SEPTIN9: variants seen among roughly 807,000 people sequenced by gnomAD.
The protein encoded by SEPTIN9 is septin-9.
SEPTIN9 carries 13 observed loss-of-function variants against 56.6 expected under a neutral mutation model. The ratio of observed to expected loss-of-function variants is 0.23; its 90% CI spans 0.15 to 0.37. SEPTIN9 has a LOEUF of 0.37. Ranked by LOEUF, SEPTIN9 falls within the 10% of genes least tolerant of loss-of-function variation. SEPTIN9 has a pLI of 1.00. For missense variants in SEPTIN9, 650 were observed against 823.1 expected (o/e 0.79, Z 2.57); for synonymous variants, 332 against 334.1 (o/e 0.99, Z 0.07).
Position 77,319,373 on chromosome 17 carries a change from G to T in SEPTIN9, c.76+12176G>T. ...AGTGGGGAACAGCACTGATCCCCCA[G>T]TGGGGCCCCGAGTTCCCGGAGAGGA... On this transcript the variant is annotated intron_variant, in intron 2 of 11. Coordinates refer to ENST00000427177, the MANE Select transcript of SEPTIN9 (RefSeq NM_001113491.2). The surrounding 1 kb of genome is among the most constrained non-coding windows in gnomAD (Gnocchi z 5.3). The T allele has an allele frequency of 4.3e-6, 1 of 232,282 alleles. No homozygotes were observed. Among genetic ancestry groups the T allele is most frequent in the Non-Finnish European group, 7.6e-6 (1 of 132,136 alleles). 14.4% of individuals were successfully genotyped at this position (232,282 alleles called of 1,614,324 possible).
At chr17:77,448,692 TG>T (rs1258308253) in intron 3 of SEPTIN9, among the ~76,000 whole-genome samples, 5 of 152,188 alleles carry the variant, frequency 3.3e-5, no homozygotes, top group Non-Finnish European at 5.9e-5. Context: ...GATTACATGT[TG>T]AATTGATAAT....
chr17:77,353,175 G>A (rs557728864), intron 2 of SEPTIN9, among the ~76,000 whole-genome samples: 10 of 152,190 alleles, frequency 6.6e-5, no homozygotes, highest in Non-Finnish European at 8.8e-5. Flanking sequence ...GCGCAGGTGG[G>A]TGAGGGGCCC....
Position 77,330,264 on chromosome 17 carries a change from G to A in SEPTIN9, c.76+23067G>A, listed in dbSNP as rs563928821. The stretch of plus-strand genomic sequence containing the variant: ...TGCTGCTCCGGGTGCCTCTGGGGGC[G>A]GGCCCCCACCTCACATTGTGGAGCT... On this transcript the variant is annotated intron_variant, in intron 2 of 11. Transcript: ENST00000427177. This position sits in a 1 kb window ranked among gnomAD's most constrained non-coding sequence, Gnocchi z 4.4. Among the ~76,000 whole-genome samples the A allele has an allele frequency of 2.6e-5, 4 of 152,362 alleles. No homozygotes were observed. Among genetic ancestry groups the A allele is most frequent in the South Asian group, 2.1e-4 (1 of 4,832 alleles).
rs764983438 is a variant in SEPTIN9 at position 77,402,254 on chromosome 17, G to A, written c.272G>A (p.Arg91Gln). 2.7e-5 allele frequency: 43 copies of A among 1,613,066 alleles called. No homozygotes were observed. Among genetic ancestry groups the A allele is most frequent in the Middle Eastern group, 1.6e-4 (1 of 6,062 alleles). The change falls in exon 3 of 12, where the codon CGG becomes CAG. Residue 91 changes from arginine to glutamine, a missense_variant. Coordinates refer to ENST00000427177, the MANE Select transcript of SEPTIN9 (RefSeq NM_001113491.2). The surrounding 1 kb of genome is among the most constrained non-coding windows in gnomAD (Gnocchi z 6.6). ...LSQRSPKASL[R>Q]RVELSGPKAA... The stretch of plus-strand genomic sequence containing the variant: ...CAACGCTCCCCCAAGGCGTCCCTGC[G>A]GAGGGTGGAGCTCTCGGGCCCCAAG...
Position 77,451,430 on chromosome 17 carries a change from A to G in SEPTIN9, c.722-30714A>G. On this transcript the variant is annotated intron_variant, in intron 3 of 11. Coordinates refer to ENST00000427177, the MANE Select transcript of SEPTIN9 (RefSeq NM_001113491.2). The surrounding 1 kb of genome is among the most constrained non-coding windows in gnomAD (Gnocchi z 4.2). ...GGAGGCTCCTTGTTCCGCGACCACA[A>G]AGCCCCTTTGATCCTCTGCTCGGCT... The G allele has an allele frequency of 3.0e-6, 3 of 985,500 alleles. No homozygotes were observed. The highest frequency in any genetic ancestry group is 3.6e-6 in the Non-Finnish European group (3 of 830,026). 61.0% of individuals were successfully genotyped at this position (985,500 alleles called of 1,614,324 possible).
chr17:77,316,310 G>A (rs569048459), intron 2 of SEPTIN9, among the ~76,000 whole-genome samples: 1 of 152,252 alleles, frequency 6.6e-6, no homozygotes, highest in Non-Finnish European at 1.5e-5. Flanking sequence ...CCTCCCAGCC[G>A]GCTCATGACT....
chr17:77,386,747 C>T (rs975398275), intron 2 of SEPTIN9, among the ~76,000 whole-genome samples: 3 of 152,196 alleles, frequency 2.0e-5, no homozygotes, highest in Non-Finnish European at 2.9e-5. Context: ...GCCTCTCTGG[C>T]TTCCCCACTT....
intron 2 of SEPTIN9, among the ~76,000 whole-genome samples, chr17:77,378,154 C>T (rs2143945245): frequency 6.6e-6 from 1 of 152,284 alleles, no homozygotes; most frequent in East Asian, 1.9e-4. Flanking sequence ...AACGCCAGGA[C>T]ACCCCTGCAG....
intron 3 of SEPTIN9, among the ~76,000 whole-genome samples, chr17:77,416,551 C>T (rs545845083): frequency 8.4e-4 from 128 of 152,264 alleles, no homozygotes; most frequent in African/African-American, 2.9e-3. Flanking sequence ...GCCAGCTGCC[C>T]CATGGAGGAG....
chr17:77,344,961 G>A (rs1307878410), intron 2 of SEPTIN9, among the ~76,000 whole-genome samples: 1 of 98,908 alleles, frequency 1.0e-5, no homozygotes, highest in Admixed American at 1.7e-4. Flanking sequence ...GACAGAGCAA[G>A]ACTGCCTCAA....
intron 3 of SEPTIN9, among the ~76,000 whole-genome samples, chr17:77,460,889 C>G (rs1234256174): frequency 6.6e-6 from 1 of 152,234 alleles, no homozygotes; most frequent in East Asian, 1.9e-4. Context: ...TTCTGACTGG[C>G]TGTGTTTCTG....
chr17:77,432,940 G>A (rs550632781), intron 3 of SEPTIN9, among the ~76,000 whole-genome samples: 14 of 152,218 alleles, frequency 9.2e-5, no homozygotes, highest in Non-Finnish European at 1.5e-4. Flanking sequence ...GCAGGGGACA[G>A]TTCAGGGCTG....
chr17:77,312,986 A>G (rs1026875199), intron 2 of SEPTIN9, among the ~76,000 whole-genome samples: 2 of 152,142 alleles, frequency 1.3e-5, no homozygotes, highest in Admixed American at 6.5e-5. Flanking sequence ...GGAGAGTTCT[A>G]TGGGGGGGCG....
chr17:77,402,806 G>A lies in SEPTIN9; in HGVS notation c.721+103G>A. 6 of 1,243,870 alleles carry A rather than the reference G, an allele frequency of 4.8e-6. No homozygotes were observed. The highest frequency in any genetic ancestry group is 6.6e-6 in the Non-Finnish European group (6 of 910,630). The allele number at this position is 1,243,870 out of a possible 1,614,324, so 77.1% of individuals were successfully genotyped here. The stretch of plus-strand genomic sequence containing the variant: ...GGAAGAAGCTGGATATGGGGTGGAG[G>A]GTGCTACCCTGGAGACCCAGAAAGA... On this transcript the variant is annotated intron_variant, in intron 3 of 11. Transcript: ENST00000427177. The surrounding 1 kb of genome is among the most constrained non-coding windows in gnomAD (Gnocchi z 6.6).
At chr17:77,340,363 A>T (rs567196644) in intron 2 of SEPTIN9, among the ~76,000 whole-genome samples, 1 of 151,888 alleles carries the variant, frequency 6.6e-6, no homozygotes, top group Non-Finnish European at 1.5e-5. Context: ...CTGGTCTCGA[A>T]CTCCTGACCT....
rs2033005430 is a variant in SEPTIN9 at position 77,323,196 on chromosome 17, G to A, written c.76+15999G>A. Among the ~76,000 whole-genome samples the A allele has an allele frequency of 6.6e-6, 1 of 152,158 alleles. No individual in the cohort carries two copies. Among genetic ancestry groups the A allele is most frequent in the Admixed American group, 6.5e-5 (1 of 15,282 alleles). On this transcript the variant is annotated intron_variant, in intron 2 of 11. Transcript: ENST00000427177. This position sits in a 1 kb window ranked among gnomAD's most constrained non-coding sequence, Gnocchi z 6.8. Reference sequence around the variant, plus strand: ...CTCTCCCGCCCTCCCTGGGGGCTGTGGCCTTCCCCTGGGAAGGTGCTGGAG... The same window carrying A: ...CTCTCCCGCCCTCCCTGGGGGCTGTAGCCTTCCCCTGGGAAGGTGCTGGAG...
chr17:77,349,307 G>A (rs2033984940), intron 2 of SEPTIN9, among the ~76,000 whole-genome samples: 1 of 152,052 alleles, frequency 6.6e-6, no homozygotes, highest in African/African-American at 2.4e-5. Context: ...AGTAGAGATG[G>A]GATTTCACCA....
In SEPTIN9 at chr17:77,434,310, C is replaced by T. The variant is rs754704075; in HGVS notation, c.721+31607C>T. ...TGTGCCTCCGTTCACCCTGTCCACCCGCAGGGCCTGCAGGAGCATCCTGAG... is the reference window on the plus strand; with the variant it reads ...TGTGCCTCCGTTCACCCTGTCCACCTGCAGGGCCTGCAGGAGCATCCTGAG... On this transcript the variant is annotated intron_variant, in intron 3 of 11. Coordinates refer to ENST00000427177, the MANE Select transcript of SEPTIN9 (RefSeq NM_001113491.2). This position sits in a 1 kb window ranked among gnomAD's most constrained non-coding sequence, Gnocchi z 5.0. Among the ~76,000 whole-genome samples, 1 of 152,194 alleles carries T rather than the reference C, an allele frequency of 6.6e-6. No individual in the cohort carries two copies. Among genetic ancestry groups the T allele is most frequent in the Non-Finnish European group, 1.5e-5 (1 of 68,032 alleles).
intron 2 of SEPTIN9, among the ~76,000 whole-genome samples, chr17:77,360,848 GC>G (rs2034392798): frequency 6.6e-6 from 1 of 150,974 alleles, no homozygotes; most frequent in Admixed American, 6.6e-5. Flanking sequence ...ATGCCACTGC[GC>G]CCGGCCTAGG....
Sources: gnomAD v4.1 joint callset for allele counts (sites outside exome capture counted in the v4.1 genomes callset) on GRCh38, gnomAD v4.1.1 for gene constraint, Gnocchi (gnomAD v3.1) non-coding constraint, MANE v1.5 for transcripts, NCBI Gene and HGNC (gene_info 2026-07-23, HGNC 2026-07-21) for gene names.